Variants in YY1 observed in about 807,000 individuals in gnomAD.
YY1 encodes the protein transcriptional repressor protein YY1.
Under a neutral mutation model 35.6 loss-of-function variants are expected in YY1, and 2 were observed. The ratio of observed to expected loss-of-function variants is 0.06; its 90% CI spans 0.02 to 0.18. The LOEUF is 0.18. Among genes scored for constraint, YY1 ranks in the 10% least tolerant of loss-of-function variants. YY1 has a pLI of 1.00. For missense variants in YY1, 322 were observed against 573.4 expected, an observed-to-expected ratio of 0.56 and a Z score of 4.48; for synonymous variants, 268 against 238.9, an observed-to-expected ratio of 1.12 and a Z score of -1.12.
At position 100,277,305 on chromosome 14, in the gene YY1, GA is replaced by G. The variant is rs1391854169; in HGVS notation, c.1063-109del. 3.9e-5 allele frequency: 52 copies of G among 1,342,586 alleles called. No homozygotes were observed. Among genetic ancestry groups the G allele is most frequent in the South Asian group, 2.6e-4 (22 of 84,210 alleles). The allele number at this position is 1,342,586 out of a possible 1,614,324, so 83.2% of individuals were successfully genotyped here. ...CACAAAGTTCACCCAGGGCAGGAAT[GA>G]AAAGTGTTTGGTAAAATAAATAGGC... On this transcript the variant is annotated intron_variant, in intron 4 of 4. Transcript: ENST00000262238. This position sits in a 1 kb window ranked among gnomAD's most constrained non-coding sequence, Gnocchi z 5.6.
chr14:100,273,913 A>G (rs1161482050), intron 2 of YY1, among the ~76,000 whole-genome samples: 1 of 152,112 alleles, frequency 6.6e-6, no homozygotes, highest in Non-Finnish European at 1.5e-5. Context: ...GGCTCTCTGG[A>G]CAGTAATTTC....
intron 2 of YY1, among the ~76,000 whole-genome samples, chr14:100,274,291 G>A (rs556956045): frequency 2.0e-5 from 3 of 152,080 alleles, no homozygotes; most frequent in African/African-American, 2.4e-5. Flanking sequence ...CTTCATCATC[G>A]CAGCAGCTGC....
At chr14:100,249,780 TTG>T (rs1471107995) in intron 1 of YY1, among the ~76,000 whole-genome samples, 6 of 149,984 alleles carry the variant, frequency 4.0e-5, no homozygotes, top group Non-Finnish European at 8.9e-5. Flanking sequence ...GTTTTTGTTT[TTG>T]TTTTTTTTTG....
chr14:100,250,809 A>G, intron 1 of YY1, among the ~76,000 whole-genome samples: 1 of 151,484 alleles, frequency 6.6e-6, no homozygotes, highest in Non-Finnish European at 1.5e-5. Flanking sequence ...CAACCTGGGC[A>G]ACATAGTGAG....
At chr14:100,248,912 C>T (rs1304111830) in intron 1 of YY1, among the ~76,000 whole-genome samples, 2 of 151,644 alleles carry the variant, frequency 1.3e-5, no homozygotes, top group East Asian at 3.9e-4. Flanking sequence ...TGGTCTTGAT[C>T]TCCTGACCTC....
chr14:100,272,954 G>GTTGTTTT (rs34406679), intron 2 of YY1, among the ~76,000 whole-genome samples: 7 of 141,212 alleles, frequency 5.0e-5, no homozygotes, highest in African/African-American at 1.0e-4. Context: ...GTTTTTTGTT[G>GTTGTTTT]TTTTTTTTTT....
chr14:100,247,987 C>G (rs1265178451), intron 1 of YY1, among the ~76,000 whole-genome samples: 2 of 152,092 alleles, frequency 1.3e-5, no homozygotes, highest in African/African-American at 4.8e-5. Context: ...ACTCTGTTGC[C>G]CAGGCTGGAG....
At chr14:100,242,378 GTTTT>G (rs57406488) in intron 1 of YY1, among the ~76,000 whole-genome samples, 3,819 of 109,762 alleles carry the variant, frequency 0.035, 164 homozygotes, top group Non-Finnish European at 0.054. Flanking sequence ...TTTGTTTTTT[GTTTT>G]TTTTTTTTTT....
intron 2 of YY1, among the ~76,000 whole-genome samples, chr14:100,265,647 C>CTTT (rs10594089): frequency 9.6e-5 from 10 of 104,444 alleles, no homozygotes; most frequent in South Asian, 4.2e-4. Context: ...AACACTGAAG[C>CTTT]TTTTTTTTTT....
In YY1 at chr14:100,276,793, G is replaced by T; in HGVS notation, c.1062+145G>T. ...GGTGAGAAACAAAACTTCTCCTGGGGAGTCGCTTAGAAGGGTTGCCGGGGC... is the reference window on the plus strand; with the variant it reads ...GGTGAGAAACAAAACTTCTCCTGGGTAGTCGCTTAGAAGGGTTGCCGGGGC... On this transcript the variant is annotated intron_variant, in intron 4 of 4. Transcript: ENST00000262238. This position sits in a 1 kb window ranked among gnomAD's most constrained non-coding sequence, Gnocchi z 4.1. The T allele has an allele frequency of 8.0e-7, 1 of 1,248,694 alleles. No homozygotes were observed. Among genetic ancestry groups the T allele is most frequent in the Non-Finnish European group, 1.1e-6 (1 of 884,792 alleles). 77.4% of individuals were successfully genotyped at this position (1,248,694 alleles called of 1,614,324 possible).
chr14:100,254,371 T>C (rs1890969387), intron 1 of YY1, among the ~76,000 whole-genome samples: 1 of 152,210 alleles, frequency 6.6e-6, no homozygotes, highest in Non-Finnish European at 1.5e-5. Flanking sequence ...TCAAATATTG[T>C]CCTTTTGATT....
intron 1 of YY1, among the ~76,000 whole-genome samples, chr14:100,256,042 C>T (rs1460065771): frequency 6.6e-6 from 1 of 151,872 alleles, no homozygotes; most frequent in Non-Finnish European, 1.5e-5. Context: ...GAGGTTGCAG[C>T]AGGAGGGTCA....
Position 100,282,091 on chromosome 14 carries a change from CTG to C in YY1, c.*4492_*4493del, listed in dbSNP as rs1595338643. 6.6e-6 allele frequency: 1 copy of C among 152,210 alleles called. No individual in the cohort carries two copies. The highest frequency in any genetic ancestry group is 2.1e-4 in the South Asian group (1 of 4,832). 9.4% of individuals were successfully genotyped at this position (152,210 alleles called of 1,614,324 possible). On this transcript the variant is annotated 3_prime_UTR_variant, in exon 5 of 5. Coordinates refer to ENST00000262238, the MANE Select transcript of YY1 (RefSeq NM_003403.5). ...GCAGGCAAAGCAAACCTCCCACAAA[CTG>C]GGTGCCGTAAGGTGGGAGGTGACAC...
At chr14:100,256,857 A>T (rs891854470) in intron 1 of YY1, among the ~76,000 whole-genome samples, 2 of 142,842 alleles carry the variant, frequency 1.4e-5, no homozygotes, top group African/African-American at 5.1e-5. Context: ...TGTATATTTT[A>T]CCACAATTTT....
At chr14:100,258,732 C>T (rs1057270406) in intron 1 of YY1, among the ~76,000 whole-genome samples, 1 of 152,138 alleles carries the variant, frequency 6.6e-6, no homozygotes, top group Non-Finnish European at 1.5e-5. Context: ...GCGCATTCTC[C>T]TCAGTAAAAT....
At chr14:100,244,883 A>C (rs1229144381) in intron 1 of YY1, among the ~76,000 whole-genome samples, 1 of 149,352 alleles carries the variant, frequency 6.7e-6, no homozygotes, top group Non-Finnish European at 1.5e-5. Context: ...TAAATTTTTA[A>C]TTGTCATACA....
At chr14:100,263,350 A>G (rs1287067322) in intron 2 of YY1, among the ~76,000 whole-genome samples, 1 of 152,214 alleles carries the variant, frequency 6.6e-6, no homozygotes, top group African/African-American at 2.4e-5. Context: ...AGCTCCTGGT[A>G]TGTTAATTTA....
chr14:100,261,605 G>A (rs1891087453), intron 1 of YY1, among the ~76,000 whole-genome samples: 1 of 152,136 alleles, frequency 6.6e-6, no homozygotes, highest in South Asian at 2.1e-4. Context: ...TCTAGTGGGA[G>A]GATGACAAAA....
chr14:100,239,191 G>T lies in YY1; in HGVS notation c.-54G>T, dbSNP rs968745995. 5.8e-5 allele frequency: 73 copies of T among 1,251,700 alleles called. No individual in the cohort carries two copies. The highest frequency in any genetic ancestry group is 1.0e-4 in the African/African-American group (6 of 59,856). The allele number at this position is 1,251,700 out of a possible 1,614,324, so 77.5% of individuals were successfully genotyped here. A position where few individuals can be genotyped will look rare whatever the true frequency, so the allele number is the denominator to read the frequency against. ...CGGCCGGCCGCCTCCTCGCCCGCCC[G>T]CCCGCAGCCGAGGAGCCGAGGCCGC... On this transcript the variant is annotated 5_prime_UTR_variant, in exon 1 of 5. Transcript: ENST00000262238.
Sources: allele counts gnomAD v4.1 joint callset (sites outside exome capture counted in the v4.1 genomes callset), GRCh38; gene constraint gnomAD v4.1.1; non-coding constraint Gnocchi (gnomAD v3.1); transcripts MANE v1.5; gene names NCBI Gene and HGNC (gene_info 2026-07-23, HGNC 2026-07-21).